Variants in EYA4 observed in about 807,000 individuals in gnomAD.
The protein encoded by EYA4 is protein phosphatase EYA4.
EYA4 carries 31 observed loss-of-function variants against 87.9 expected under a neutral mutation model. That is an observed-to-expected ratio of 0.35 (90% CI 0.27 to 0.48). The LOEUF (loss-of-function observed/expected upper bound fraction) is 0.48, where lower values mean the gene tolerates loss of function less well. EYA4 is among the 20% of genes least tolerant of loss of function. EYA4 has a pLI of 0.99. For synonymous variants in EYA4, 263 were observed against 270.6 expected (o/e 0.97, Z 0.28); for missense variants, 678 against 761.4 (o/e 0.89, Z 1.29).
intron 2 of EYA4, among the ~76,000 whole-genome samples, chr6:133,367,287 A>G (rs1361756977): frequency 6.6e-6 from 1 of 152,214 alleles, no homozygotes; most frequent in Non-Finnish European, 1.5e-5. Context: ...GAAGACACGA[A>G]GAAAGGAAGT....
chr6:133,448,091 T>C lies in EYA4; in HGVS notation c.209-20T>C. 1 of 1,602,298 alleles carries C rather than the reference T, an allele frequency of 6.2e-7. No individual in the cohort carries two copies. Among genetic ancestry groups the C allele is most frequent in the Non-Finnish European group, 8.6e-7 (1 of 1,169,258 alleles). On this transcript the variant is annotated intron_variant, in intron 4 of 19. Coordinates refer to ENST00000355286, the MANE Select transcript of EYA4 (RefSeq NM_004100.5). ...AGCAGGCATTCAGACAATGAACTTT[T>C]ATACTGTTCCTGTTCTCAGGGGAAA...
rs1200513987 is a variant in EYA4 at position 133,329,490 on chromosome 6, C to T, written c.34-52902C>T. 2.6e-5 allele frequency among the ~76,000 whole-genome samples: 4 copies of T among 152,018 alleles called. No homozygotes were observed. In the East Asian group the frequency reaches 7.7e-4, roughly 29 times the overall value. ...TTTTGTTTTTGCAGTTTTGGTAAAC[C>T]TTTGATACCATGAGTGTTTACTACG... On this transcript the variant is annotated intron_variant, in intron 2 of 19. Transcript: ENST00000355286.
At chr6:133,470,156 G>A (rs1273814316) in intron 11 of EYA4, among the ~76,000 whole-genome samples, 7 of 147,604 alleles carry the variant, frequency 4.7e-5, no homozygotes, top group Non-Finnish European at 1.0e-4. Context: ...TGGACATGAA[G>A]TCCTTGCCCA....
At chr6:133,423,731 A>G (rs1176793479) in intron 3 of EYA4, among the ~76,000 whole-genome samples, 2 of 152,212 alleles carry the variant, frequency 1.3e-5, no homozygotes, top group Admixed American at 6.5e-5. Context: ...TGAAGCCGTT[A>G]CCACAGTCAA....
chr6:133,400,076 C>G (rs1203206115), intron 3 of EYA4, among the ~76,000 whole-genome samples: 1 of 152,122 alleles, frequency 6.6e-6, no homozygotes, highest in Non-Finnish European at 1.5e-5. Context: ...GCATATTTAT[C>G]CATTAATACA....
chr6:133,424,300 C>T (rs2128567879), intron 3 of EYA4, among the ~76,000 whole-genome samples: 1 of 152,320 alleles, frequency 6.6e-6, no homozygotes, highest in East Asian at 1.9e-4. Flanking sequence ...CAAGACTCCC[C>T]ACTCTGGTCT....
intron 5 of EYA4, 103 bp downstream of exon 5, chr6:133,448,282 C>T: frequency 1.1e-6 from 1 of 883,302 alleles, no homozygotes; most frequent in South Asian, 1.4e-5. Context: ...TTTCTGTGTT[C>T]AGTACTTAAA....
At chr6:133,279,871 A>G (rs986621883) in intron 2 of EYA4, among the ~76,000 whole-genome samples, 1 of 152,164 alleles carries the variant, frequency 6.6e-6, no homozygotes, top group Non-Finnish European at 1.5e-5. Context: ...CTTCAGAACC[A>G]CCAATTTATG....
At chr6:133,442,367 A>G (rs1792392976) in intron 3 of EYA4, among the ~76,000 whole-genome samples, 1 of 152,204 alleles carries the variant, frequency 6.6e-6, no homozygotes, top group Non-Finnish European at 1.5e-5. Context: ...AGTTGAGCTT[A>G]ACTGGAGCTA....
rs146739902 is a variant in EYA4 at position 133,329,910 on chromosome 6, A to C, written c.34-52482A>C. On this transcript the variant is annotated intron_variant, in intron 2 of 19. Transcript: ENST00000355286. ...GTGTTTGGGATCAATTCTAAAGGAGAAGGAACATGATTTGTCAGAAAAGGA... is the reference window on the plus strand; with the variant it reads ...GTGTTTGGGATCAATTCTAAAGGAGCAGGAACATGATTTGTCAGAAAAGGA... Among the ~76,000 whole-genome samples, 142 of 152,168 alleles carry C rather than the reference A, an allele frequency of 9.3e-4. 1 individual carries two copies. In the East Asian group the frequency reaches 0.025, roughly 27 times the overall value.
At chr6:133,302,281 G>C (rs532961863) in intron 2 of EYA4, among the ~76,000 whole-genome samples, 15 of 152,010 alleles carry the variant, frequency 9.9e-5, no homozygotes, top group Non-Finnish European at 1.8e-4. Context: ...TAGAAGTTCT[G>C]TTTTAGAGTG....
At chr6:133,273,097 G>A (rs9493575) in intron 1 of EYA4, among the ~76,000 whole-genome samples, 36 of 106,540 alleles carry the variant, frequency 3.4e-4, no homozygotes, top group African/African-American at 1.0e-3. Context: ...ATATATATAT[G>A]TATATATATA....
At chr6:133,472,396 G>A (rs905116921) in intron 11 of EYA4, among the ~76,000 whole-genome samples, 5 of 96,390 alleles carry the variant, frequency 5.2e-5, no homozygotes, top group Non-Finnish European at 7.7e-5. Context: ...CCATGTAGTT[G>A]AGTGGCTTTG....
chr6:133,380,525 T>C (rs1786097925), intron 2 of EYA4, among the ~76,000 whole-genome samples: 1 of 152,198 alleles, frequency 6.6e-6, no homozygotes, highest in Admixed American at 6.5e-5. Flanking sequence ...TGTGGTGGTC[T>C]GGAGCTTCCT....
At chr6:133,528,238 C>G (rs1294181811) in intron 19 of EYA4, among the ~76,000 whole-genome samples, 4 of 151,912 alleles carry the variant, frequency 2.6e-5, no homozygotes, top group Non-Finnish European at 4.4e-5. Context: ...TTATGTAGTC[C>G]TGCTTCAAAT....
At chr6:133,353,297 A>G (rs1337787715) in intron 2 of EYA4, among the ~76,000 whole-genome samples, 1 of 152,082 alleles carries the variant, frequency 6.6e-6, no homozygotes, top group African/African-American at 2.4e-5. Flanking sequence ...CTGTGCTTCC[A>G]TGCTGTGTAT....
rs746682236 is a variant in EYA4, at chr6:133,483,127, A to G, written c.1191+12A>G. On this transcript the variant is annotated intron_variant, in intron 13 of 19. Transcript: ENST00000355286. Reference sequence around the variant, plus strand: ...AGAAGTATGGCAAGGTAAGAAATCAAGAAATGTTACTCCAAGAAATCTTGT... The same window carrying G: ...AGAAGTATGGCAAGGTAAGAAATCAGGAAATGTTACTCCAAGAAATCTTGT... 1.6e-5 allele frequency: 25 copies of G among 1,588,540 alleles called. No homozygotes were observed. The highest frequency in any genetic ancestry group is 2.0e-5 in the Non-Finnish European group (23 of 1,157,288).
At chr6:133,433,811 C>T (rs1302187129) in intron 3 of EYA4, among the ~76,000 whole-genome samples, 2 of 152,204 alleles carry the variant, frequency 1.3e-5, no homozygotes, top group Non-Finnish European at 2.9e-5. Context: ...TTAGGAGAAA[C>T]ACATGAAAAG....
intron 13 of EYA4, among the ~76,000 whole-genome samples, chr6:133,505,678 A>G (rs1488482265): frequency 6.6e-6 from 1 of 152,140 alleles, no homozygotes; most frequent in Non-Finnish European, 1.5e-5. Flanking sequence ...ATTTTTCTCT[A>G]TCTTTTAATT....
Sources: gnomAD v4.1 joint callset for allele counts (sites outside exome capture counted in the v4.1 genomes callset) on GRCh38, gnomAD v4.1.1 for gene constraint, MANE v1.5 for transcripts, NCBI Gene and HGNC (gene_info 2026-07-23, HGNC 2026-07-21) for gene names.